The following PLCB4 variants were observed in gnomAD, a reference collection of about 807,000 sequenced individuals.
PLCB4 encodes the protein 1-phosphatidylinositol 4,5-bisphosphate phosphodiesterase beta-4.
Under a neutral mutation model 178.8 loss-of-function variants are expected in PLCB4, and 77 were observed. The ratio of observed to expected loss-of-function variants is 0.43; its 90% CI spans 0.36 to 0.52. The LOEUF is 0.52. PLCB4 is among the 20% of genes least tolerant of loss of function. The pLI is 0.00. For missense variants in PLCB4, 1,024 were observed against 1,453.4 expected, an observed-to-expected ratio of 0.70 and a Z score of 4.80; for synonymous variants, 496 against 490.8, an observed-to-expected ratio of 1.01 and a Z score of -0.14.
At chr20:9,296,709 G>A (rs556627478) in intron 3 of PLCB4, among the ~76,000 whole-genome samples, 1 of 152,080 alleles carries the variant, frequency 6.6e-6, no homozygotes, top group Admixed American at 6.6e-5. Context: ...TCCTTTGTAG[G>A]GACATGGATG....
intron 28 of PLCB4, among the ~76,000 whole-genome samples, chr20:9,429,136 C>G (rs1602635705): frequency 6.6e-6 from 1 of 152,098 alleles, no homozygotes; most frequent in East Asian, 1.9e-4. Flanking sequence ...AGAACCAAAT[C>G]AGAAAAAGCA....
intron 3 of PLCB4, among the ~76,000 whole-genome samples, chr20:9,262,495 T>C (rs540183338): frequency 3.5e-4 from 53 of 152,198 alleles, no homozygotes; most frequent in South Asian, 2.3e-3. Context: ...ACTTGGCATG[T>C]AAGGATGATG....
chr20:9,238,505 T>C (rs1337351902), intron 3 of PLCB4, among the ~76,000 whole-genome samples: 2 of 152,172 alleles, frequency 1.3e-5, no homozygotes, highest in African/African-American at 4.8e-5. Context: ...AAATCCAGTC[T>C]TATCATTTGA....
chr20:9,209,366 C>T (rs2093648054), intron 2 of PLCB4, among the ~76,000 whole-genome samples: 1 of 151,992 alleles, frequency 6.6e-6, no homozygotes, highest in Admixed American at 6.6e-5. Context: ...AGGCAGAATT[C>T]TAAGGTGGCC....
chr20:9,300,129 G>A (rs1036087784), intron 3 of PLCB4, among the ~76,000 whole-genome samples: 17 of 152,068 alleles, frequency 1.1e-4, no homozygotes, highest in African/African-American at 4.1e-4. Context: ...AGAAATATAA[G>A]GATATCTTAT....
At chr20:9,423,361 TATTAGATC>T (rs1445540867) in intron 27 of PLCB4, among the ~76,000 whole-genome samples, 3 of 152,210 alleles carry the variant, frequency 2.0e-5, no homozygotes, top group African/African-American at 7.2e-5. Flanking sequence ...ATATGCCAGA[TATTAGATC>T]ACAGGATTAG....
chr20:9,112,396 A>C (rs2091613751), intron 2 of PLCB4, among the ~76,000 whole-genome samples: 1 of 151,866 alleles, frequency 6.6e-6, no homozygotes, highest in Non-Finnish European at 1.5e-5. Context: ...CTGGGATTAC[A>C]GGCACGGGCC....
chr20:9,188,243 A>G (rs1289637880), intron 2 of PLCB4, among the ~76,000 whole-genome samples: 2 of 152,230 alleles, frequency 1.3e-5, no homozygotes, highest in East Asian at 3.8e-4. Flanking sequence ...GTAATTTAAA[A>G]TAAGGTGATT....
At chr20:9,404,548 T>C (rs939469108) in intron 20 of PLCB4, among the ~76,000 whole-genome samples, 1 of 144,410 alleles carries the variant, frequency 6.9e-6, no homozygotes, top group African/African-American at 2.6e-5. Flanking sequence ...GAGGTTGCAG[T>C]GAGCCAAGAT....
intron 3 of PLCB4, among the ~76,000 whole-genome samples, chr20:9,233,536 T>C (rs1363753691): frequency 2.6e-5 from 4 of 152,114 alleles, no homozygotes; most frequent in Non-Finnish European, 5.9e-5. Flanking sequence ...GTAGGATAGG[T>C]GATTCATTTG....
intron 2 of PLCB4, among the ~76,000 whole-genome samples, chr20:9,123,347 GT>G (rs1263577212): frequency 2.0e-5 from 3 of 151,192 alleles, no homozygotes; most frequent in Admixed American, 6.6e-5. Flanking sequence ...TTTTTTCATG[GT>G]TAAAGATGCC....
At chr20:9,149,071 C>G (rs993380426) in intron 2 of PLCB4, among the ~76,000 whole-genome samples, 1 of 152,120 alleles carries the variant, frequency 6.6e-6, no homozygotes, top group Non-Finnish European at 1.5e-5. Flanking sequence ...GTGTAGCCAA[C>G]AGGAAGCACT....
chr20:9,368,428 A>G lies in PLCB4; in HGVS notation c.504-2786A>G, dbSNP rs73246659. Among the ~76,000 whole-genome samples, 339 of 152,250 alleles carry G rather than the reference A, an allele frequency of 2.2e-3. 1 individual carries two copies. The highest frequency in any genetic ancestry group is 7.8e-3 in the African/African-American group (326 of 41,556). ...CCTTCCCTCCTCTCTCGTAACCTGG[A>G]GTGAACACCAATGACTAGAAAATTG... On this transcript the variant is annotated intron_variant, in intron 9 of 39. Coordinates refer to ENST00000378473, the MANE Select transcript of PLCB4 (RefSeq NM_001377142.1).
At chr20:9,071,305 A>G (rs949116205) in intron 1 of PLCB4, among the ~76,000 whole-genome samples, 2 of 152,228 alleles carry the variant, frequency 1.3e-5, no homozygotes, top group Non-Finnish European at 2.9e-5. Flanking sequence ...GACTTTGGCA[A>G]CATGGGACAG....
chr20:9,403,488 CAG>C (rs963632145), intron 20 of PLCB4, among the ~76,000 whole-genome samples: 15 of 152,184 alleles, frequency 9.9e-5, no homozygotes, highest in African/African-American at 3.6e-4. Context: ...TTAAATTTAA[CAG>C]AGTTTAGTTG....
chr20:9,390,089 C>A, intron 16 of PLCB4, 131 bp downstream of exon 16: 1 of 581,626 alleles, frequency 1.7e-6, no homozygotes, highest in Non-Finnish European at 3.0e-6. Context: ...AAATAATTCT[C>A]CAGCAAGGGC....
intron 2 of PLCB4, among the ~76,000 whole-genome samples, chr20:9,157,345 T>G (rs2092809369): frequency 6.6e-6 from 1 of 152,212 alleles, no homozygotes; most frequent in Non-Finnish European, 1.5e-5. Flanking sequence ...GTGCTAACAT[T>G]CATGAAGATA....
intron 3 of PLCB4, among the ~76,000 whole-genome samples, chr20:9,228,486 A>G (rs1476601409): frequency 6.6e-6 from 1 of 152,122 alleles, no homozygotes; most frequent in Non-Finnish European, 1.5e-5. Context: ...GCACTTCCAG[A>G]TGGTCTTTAA....
At chr20:9,270,117 C>G (rs2147611989) in intron 3 of PLCB4, among the ~76,000 whole-genome samples, 1 of 152,212 alleles carries the variant, frequency 6.6e-6, no homozygotes, top group East Asian at 1.9e-4. Context: ...TCAAGAGAAA[C>G]TACCTGTCTA....
Sources: allele counts gnomAD v4.1 joint callset (sites outside exome capture counted in the v4.1 genomes callset), GRCh38; gene constraint gnomAD v4.1.1; transcripts MANE v1.5; gene names NCBI Gene and HGNC (gene_info 2026-07-23, HGNC 2026-07-21).